The following DPYD variants were observed in gnomAD, a reference collection of about 807,000 sequenced individuals.
The protein encoded by DPYD is dihydropyrimidine dehydrogenase [NADP(+)].
A neutral mutation model predicts 116.2 loss-of-function variants in DPYD; 109 were observed. The ratio of observed to expected loss-of-function variants is 0.94; its 90% CI spans 0.80 to 1.10. The LOEUF (loss-of-function observed/expected upper bound fraction) is 1.10, where lower values mean the gene tolerates loss of function less well. DPYD is among the 50% of genes least tolerant of loss of function. The pLI is 0.00. For missense variants in DPYD, 1,302 were observed against 1,254.5 expected, an observed-to-expected ratio of 1.04 and a Z score of -0.57; for synonymous variants, 440 against 432.0, an observed-to-expected ratio of 1.02 and a Z score of -0.23.
chr1:97,695,224 T>C (rs1262903276), intron 6 of DPYD, among the ~76,000 whole-genome samples: 1 of 152,064 alleles, frequency 6.6e-6, no homozygotes, highest in African/African-American at 2.4e-5. Context: ...AAATTGAAAA[T>C]AGCTATATCC....
chr1:97,806,737 A>G (rs1340336415), intron 3 of DPYD, among the ~76,000 whole-genome samples: 1 of 151,942 alleles, frequency 6.6e-6, no homozygotes, highest in Non-Finnish European at 1.5e-5. Context: ...CCTTTGACAA[A>G]TGTATAATAA....
chr1:97,180,349 G>C (rs992378833), intron 20 of DPYD, among the ~76,000 whole-genome samples: 9 of 152,184 alleles, frequency 5.9e-5, no homozygotes, highest in African/African-American at 1.7e-4. Flanking sequence ...CTTAACGGGA[G>C]ATATAACAAA....
At chr1:97,258,496 T>G (rs1161002347) in intron 18 of DPYD, among the ~76,000 whole-genome samples, 1 of 152,158 alleles carries the variant, frequency 6.6e-6, no homozygotes, top group Non-Finnish European at 1.5e-5. Flanking sequence ...AAGTGATACC[T>G]GCTTAAGTTG....
At chr1:97,089,969 T>A (rs375224498) in intron 21 of DPYD, among the ~76,000 whole-genome samples, 3 of 152,210 alleles carry the variant, frequency 2.0e-5, no homozygotes, top group South Asian at 4.1e-4. Flanking sequence ...CAAATGAAAT[T>A]CATAGCAGTT....
chr1:97,826,715 T>G (rs1253237494), intron 3 of DPYD, among the ~76,000 whole-genome samples: 1 of 152,144 alleles, frequency 6.6e-6, no homozygotes, highest in Non-Finnish European at 1.5e-5. Context: ...AAAACAAATA[T>G]TTTACAACTT....
At chr1:97,644,027 A>G (rs1186428869) in intron 8 of DPYD, among the ~76,000 whole-genome samples, 1 of 152,104 alleles carries the variant, frequency 6.6e-6, no homozygotes, top group Non-Finnish European at 1.5e-5. Context: ...GCACGTGTGT[A>G]CCTATGTAAC....
chr1:97,186,691 A>C (rs1658013305), intron 20 of DPYD, among the ~76,000 whole-genome samples: 1 of 152,120 alleles, frequency 6.6e-6, no homozygotes, highest in African/African-American at 2.4e-5. Flanking sequence ...TCTACTAAAA[A>C]TACAAAAATT....
Position 97,077,968 on chromosome 1 carries a change from T to A in DPYD, c.*1008A>T, listed in dbSNP as rs1166578830. On this transcript the variant is annotated 3_prime_UTR_variant, in exon 23 of 23. Coordinates refer to ENST00000370192, the MANE Select transcript of DPYD (RefSeq NM_000110.4). Reference sequence around the variant, plus strand: ...AGTTTATATGACACTATTTACTGATTATGAAAATAGAGAAATACAAAAATA... The same window carrying A: ...AGTTTATATGACACTATTTACTGATAATGAAAATAGAGAAATACAAAAATA... 3 of 152,136 alleles carry A rather than the reference T, an allele frequency of 2.0e-5. No homozygotes were observed. Among genetic ancestry groups the A allele is most frequent in the Non-Finnish European group, 4.4e-5 (3 of 68,010 alleles). 9.4% of individuals were successfully genotyped at this position (152,136 alleles called of 1,614,324 possible). A position where few individuals can be genotyped will look rare whatever the true frequency, so the allele number is the denominator to read the frequency against.
chr1:97,396,079 GCTAA>G (rs75328501), intron 14 of DPYD, among the ~76,000 whole-genome samples: 29,034 of 151,880 alleles, frequency 0.19, 2,903 homozygotes, highest in South Asian at 0.36. Flanking sequence ...TATAGGAAAA[GCTAA>G]CTGATGCCAC....
chr1:97,887,182 T>C (rs1008947514), intron 1 of DPYD, among the ~76,000 whole-genome samples: 2 of 151,760 alleles, frequency 1.3e-5, no homozygotes, highest in African/African-American at 4.8e-5. Context: ...CATCCCTAAA[T>C]AGTATATCCA....
intron 8 of DPYD, among the ~76,000 whole-genome samples, chr1:97,605,973 A>G (rs1364503177): frequency 1.3e-5 from 2 of 152,124 alleles, no homozygotes; most frequent in Non-Finnish European, 2.9e-5. Context: ...TTCAGTCCCA[A>G]TTGAAATTTC....
At chr1:97,472,928 CCTAA>C (rs1400906534) in intron 13 of DPYD, among the ~76,000 whole-genome samples, 2 of 152,120 alleles carry the variant, frequency 1.3e-5, no homozygotes, top group African/African-American at 4.8e-5. Flanking sequence ...CTATAATCAA[CCTAA>C]CTGACACAGC....
intron 20 of DPYD, among the ~76,000 whole-genome samples, chr1:97,179,084 G>A (rs1657475328): frequency 6.6e-6 from 1 of 152,132 alleles, no homozygotes; most frequent in South Asian, 2.1e-4. Flanking sequence ...GGGCAGGGAG[G>A]TTTGCCTCTT....
chr1:97,861,104 GAGA>G (rs1337731981), intron 2 of DPYD, among the ~76,000 whole-genome samples: 1 of 151,964 alleles, frequency 6.6e-6, no homozygotes, highest in Non-Finnish European at 1.5e-5. Context: ...AGATCAATTT[GAGA>G]TCATTTCTCA....
At chr1:97,569,961 C>T (rs745929681) in intron 11 of DPYD, among the ~76,000 whole-genome samples, 142 of 151,972 alleles carry the variant, frequency 9.3e-4, no homozygotes, top group Non-Finnish European at 1.3e-3. Flanking sequence ...TTAGTGGCAA[C>T]GAAATAATTA....
At chr1:97,855,831 G>C (rs114983662) in intron 2 of DPYD, 3 of 152,168 alleles carry the variant, frequency 2.0e-5, no homozygotes, top group Non-Finnish European at 4.4e-5. Flanking sequence ...AGGGAAGAGG[G>C]AGCAAACATA....
Position 97,078,884 on chromosome 1 carries a change from T to G in DPYD, c.*92A>C. 2.1e-6 allele frequency: 3 copies of G among 1,421,016 alleles called. No homozygotes were observed. The highest frequency in any genetic ancestry group is 3.4e-5 in the Admixed American group (2 of 58,990). The allele number at this position is 1,421,016 out of a possible 1,614,324, so 88.0% of individuals were successfully genotyped here. A position where few individuals can be genotyped will look rare whatever the true frequency, so the allele number is the denominator to read the frequency against. Reference sequence around the variant, plus strand: ...TTTAGAAAATGTATATTTGTTTTAATTTGGAAAGAGCTGAACACAAGGATC... The same window carrying G: ...TTTAGAAAATGTATATTTGTTTTAAGTTGGAAAGAGCTGAACACAAGGATC... On this transcript the variant is annotated 3_prime_UTR_variant, in exon 23 of 23. Transcript: ENST00000370192.
In DPYD at chr1:97,641,186, G is replaced by A. The variant is rs142753473; in HGVS notation, c.850+37909C>T. ...ACAGTTGATTAGATGGGGGATGAAC[G>A]CCTAATCTAGTTCCTGATTTCTGAC... On this transcript the variant is annotated intron_variant, in intron 8 of 22. Coordinates refer to ENST00000370192, the MANE Select transcript of DPYD (RefSeq NM_000110.4). Among the ~76,000 whole-genome samples, 979 of 152,208 alleles carry A rather than the reference G, an allele frequency of 6.4e-3. 13 individuals are homozygous for A. The highest frequency in any genetic ancestry group is 0.023 in the African/African-American group (937 of 41,536).
intron 18 of DPYD, among the ~76,000 whole-genome samples, chr1:97,269,170 G>C (rs1276689106): frequency 6.6e-6 from 1 of 152,084 alleles, no homozygotes; most frequent in Non-Finnish European, 1.5e-5. Flanking sequence ...AACTGCACAA[G>C]GATAGCTTTT....
Sources: gnomAD v4.1 joint callset for allele counts (sites outside exome capture counted in the v4.1 genomes callset) on GRCh38, gnomAD v4.1.1 for gene constraint, MANE v1.5 for transcripts, NCBI Gene and HGNC (gene_info 2026-07-23, HGNC 2026-07-21) for gene names.